HPSE: variants seen among roughly 807,000 people sequenced by gnomAD.
HPSE encodes endo-glucoronidase.
A neutral mutation model predicts 65.1 loss-of-function variants in HPSE; 48 were observed. The ratio of observed to expected loss-of-function variants is 0.74; its 90% CI spans 0.58 to 0.94. The LOEUF is 0.94. HPSE is among the 40% of genes least tolerant of loss of function. HPSE has a pLI of 0.00. For synonymous variants in HPSE, 243 were observed against 260.0 expected, an observed-to-expected ratio of 0.93 and a Z score of 0.63; for missense variants, 644 against 637.5, an observed-to-expected ratio of 1.01 and a Z score of -0.11.
At chr4:83,307,087 C>T (rs71613158) in intron 8 of HPSE, among the ~76,000 whole-genome samples, 4 of 152,192 alleles carry the variant, frequency 2.6e-5, no homozygotes, top group African/African-American at 9.7e-5. Context: ...TCTCCACTTC[C>T]TAAGCCCCTA....
At chr4:83,304,114 C>A (rs1391661380) in intron 9 of HPSE, among the ~76,000 whole-genome samples, 1 of 152,084 alleles carries the variant, frequency 6.6e-6, no homozygotes. Flanking sequence ...TGGCTTAGAA[C>A]TCCAGCTTAT....
chr4:83,310,804 T>G lies in HPSE; in HGVS notation c.760A>C (p.Arg254=). 1 of 1,614,112 alleles carries G rather than the reference T, an allele frequency of 6.2e-7. No homozygotes were observed. Among genetic ancestry groups the G allele is most frequent in the Non-Finnish European group, 8.5e-7 (1 of 1,179,928 alleles). Residue 254 remains arginine, a synonymous_variant, in exon 5 of 12, where the codon AGA becomes CGA. Coordinates refer to ENST00000311412, the MANE Select transcript of HPSE (RefSeq NM_001098540.3). The stretch of plus-strand genomic sequence containing the variant: ...TTTGCATTTTTGAAGGTGGACTTTC[T>G]TAGAAGTTTATGCAATTGAATAAAA... ...EDFIQLHKLL[R]KSTFKNAKLY... is the part of the protein sequence containing the mutation.
intron 4 of HPSE, among the ~76,000 whole-genome samples, chr4:83,312,841 C>CAAAAAAAAAAAA (rs1200808673): frequency 3.6e-4 from 4 of 10,988 alleles, no homozygotes; most frequent in African/African-American, 5.1e-4. Context: ...ACTAAAAATG[C>CAAAAAAAAAAAA]AAAAAAAAAA....
At chr4:83,296,529 G>C (rs574203201) in intron 11 of HPSE, among the ~76,000 whole-genome samples, 1 of 152,138 alleles carries the variant, frequency 6.6e-6, no homozygotes, top group South Asian at 2.1e-4. Flanking sequence ...ACAAAAATTA[G>C]CCGGGCATGG....
chr4:83,313,076 G>A (rs6840520), intron 4 of HPSE, 38 bp downstream of exon 4: 983,224 of 1,237,668 alleles, frequency 0.79, 393,425 homozygotes, highest in African/African-American at 0.86. Flanking sequence ...GCTAGTGGGG[G>A]ATCTCCTTAT....
At chr4:83,318,006 C>A (rs112109907) in intron 3 of HPSE, among the ~76,000 whole-genome samples, 1 of 152,084 alleles carries the variant, frequency 6.6e-6, no homozygotes, top group East Asian at 1.9e-4. Flanking sequence ...TTAGCATATG[C>A]GCTATTTTTT....
intron 1 of HPSE, among the ~76,000 whole-genome samples, chr4:83,324,832 T>A (rs1021567486): frequency 2.0e-5 from 3 of 152,220 alleles, no homozygotes; most frequent in African/African-American, 7.2e-5. Context: ...GAAGAAGTTC[T>A]GAGATAGATA....
At chr4:83,329,205 C>T (rs1210553134) in intron 1 of HPSE, among the ~76,000 whole-genome samples, 1 of 152,104 alleles carries the variant, frequency 6.6e-6, no homozygotes, top group Non-Finnish European at 1.5e-5. Context: ...CCCGCAAGAG[C>T]TCAATAGCCC....
chr4:83,301,452 T>C (rs1480259850), intron 10 of HPSE, among the ~76,000 whole-genome samples: 2 of 152,228 alleles, frequency 1.3e-5, no homozygotes, highest in Non-Finnish European at 2.9e-5. Context: ...AGGCAAATTT[T>C]GTGGGTTCAT....
rs1487787948 is a variant in HPSE at position 83,306,312 on chromosome 4, A to T, written c.1097T>A (p.Leu366Gln). The T allele has an allele frequency of 6.3e-7, 1 of 1,599,712 alleles. No homozygotes were observed. The change falls in exon 9 of 12, where the codon CTG becomes CAG. Residue 366 changes from leucine to glutamine, a missense_variant. Coordinates refer to ENST00000311412, the MANE Select transcript of HPSE (RefSeq NM_001098540.3). ...SDTFAAGFMW[L>Q]DKLGLSARMG... is the part of the protein sequence containing the mutation. Reference sequence around the variant, plus strand: ...TCGGGCTGACAGGCCCAATTTATCCAGCCACCTGGGACAGAGCAAGACCAA... The same window carrying T: ...TCGGGCTGACAGGCCCAATTTATCCTGCCACCTGGGACAGAGCAAGACCAA...
chr4:83,329,041 G>A (rs1464436271), intron 1 of HPSE, among the ~76,000 whole-genome samples: 1 of 152,160 alleles, frequency 6.6e-6, no homozygotes, highest in African/African-American at 2.4e-5. Context: ...ATGATAAGGT[G>A]AAGGTGGAGT....
In HPSE at chr4:83,295,266, C is replaced by G. The variant is rs569637487; in HGVS notation, c.*78G>C. 1 of 1,295,940 alleles carries G rather than the reference C, an allele frequency of 7.7e-7. No homozygotes were observed. Among genetic ancestry groups the G allele is most frequent in the Admixed American group, 2.1e-5 (1 of 47,096 alleles). The allele number at this position is 1,295,940 out of a possible 1,614,324, so 80.3% of individuals were successfully genotyped here. On this transcript the variant is annotated 3_prime_UTR_variant, in exon 12 of 12. Transcript: ENST00000311412. The stretch of plus-strand genomic sequence containing the variant: ...CACTAGTTGCTTTGCAAGGTATCTG[C>G]TTCCTTTCCTATAACTTGAGTTGCT...
intron 3 of HPSE, among the ~76,000 whole-genome samples, chr4:83,317,384 A>G (rs751564202): frequency 1.4e-4 from 21 of 152,264 alleles, no homozygotes; most frequent in Non-Finnish European, 2.4e-4. Flanking sequence ...TGTCACTACA[A>G]TGAGTAGGTG....
chr4:83,295,378 A>G lies in HPSE; in HGVS notation c.1598T>C (p.Val533Ala), dbSNP rs907163888. ...AGCAGCAACTTTGGCATTTCTTATCACAAAAAAACTATATGAGAAAGCTGG... is the reference window on the plus strand; with the variant it reads ...AGCAGCAACTTTGGCATTTCTTATCGCAAAAAAACTATATGAGAAAGCTGG... The part of the protein sequence containing the change: ...GLPAFSYSFF[V>A]IRNAKVAACI The change falls in exon 12 of 12, where the codon GTG becomes GCG. Residue 533 changes from valine to alanine, a missense_variant. Coordinates refer to ENST00000311412, the MANE Select transcript of HPSE (RefSeq NM_001098540.3). 8 of 1,609,538 alleles carry G rather than the reference A, an allele frequency of 5.0e-6. No homozygotes were observed. The highest frequency in any genetic ancestry group is 1.3e-5 in the African/African-American group (1 of 74,784).
At chr4:83,322,577 C>T (rs1318046883) in intron 1 of HPSE, among the ~76,000 whole-genome samples, 2 of 152,016 alleles carry the variant, frequency 1.3e-5, no homozygotes, top group African/African-American at 2.4e-5. Flanking sequence ...ACTGCAACTT[C>T]TGCTTGCCGG....
chr4:83,306,335 CA>C lies in HPSE; in HGVS notation c.1092-19del, dbSNP rs762958244. The C allele has an allele frequency of 1.5e-5, 21 of 1,430,732 alleles. No homozygotes were observed. Among genetic ancestry groups the C allele is most frequent in the Admixed American group, 1.2e-4 (7 of 58,576 alleles). 88.6% of individuals were successfully genotyped at this position (1,430,732 alleles called of 1,614,324 possible). On this transcript the variant is annotated intron_variant, in intron 8 of 11. Transcript: ENST00000311412. ...CCAGCCACCTGGGACAGAGCAAGAC[CA>C]AGCTTTCTTGAGGTTTGGAAACAAA...
At chr4:83,309,603 C>CAAA in intron 6 of HPSE, 108 bp from the exon 7 acceptor site, 1 of 684,696 alleles carries the variant, frequency 1.5e-6, no homozygotes, top group Admixed American at 3.0e-5. Flanking sequence ...TCACCTGTTA[C>CAAA]TAAAAAAAGG....
At chr4:83,304,774 G>A (rs756120731) in intron 9 of HPSE, among the ~76,000 whole-genome samples, 45 of 152,136 alleles carry the variant, frequency 3.0e-4, no homozygotes, top group Middle Eastern at 3.2e-3. Flanking sequence ...TTGTTTCTCT[G>A]CTTAAATTCC....
chr4:83,309,607 A>G (rs1327470403), intron 6 of HPSE, 112 bp from the exon 7 acceptor site: 7 of 678,316 alleles, frequency 1.0e-5, no homozygotes, highest in Middle Eastern at 2.4e-4. Flanking sequence ...CTGTTACTAA[A>G]AAAAGGTAGA....
Sources: gnomAD v4.1 joint callset for allele counts (sites outside exome capture counted in the v4.1 genomes callset) on GRCh38, gnomAD v4.1.1 for gene constraint, MANE v1.5 for transcripts, NCBI Gene and HGNC (gene_info 2026-07-23, HGNC 2026-07-21) for gene names.